LRRC4C: variants seen among roughly 807,000 people sequenced by gnomAD.
LRRC4C encodes leucine rich repeat containing 4C, also known as leucine-rich repeat-containing protein 4C.
LRRC4C carries 5 observed loss-of-function variants against 33.6 expected under a neutral mutation model. That is an observed-to-expected ratio of 0.15 (90% CI 0.08 to 0.31). The LOEUF is 0.31. Ranked by LOEUF, LRRC4C falls within the 10% of genes least tolerant of loss-of-function variation. The pLI, the probability that LRRC4C is intolerant of heterozygous loss-of-function variation, is 1.00. For synonymous variants in LRRC4C, 329 were observed against 302.0 expected, an observed-to-expected ratio of 1.09 and a Z score of -0.93; for missense variants, 560 against 796.7, an observed-to-expected ratio of 0.70 and a Z score of 3.58.
At chr11:40,713,669 A>C (rs966916569) in intron 2 of LRRC4C, among the ~76,000 whole-genome samples, 1 of 152,248 alleles carries the variant, frequency 6.6e-6, no homozygotes, top group Non-Finnish European at 1.5e-5. Context: ...CAATCTGAGT[A>C]AGACATTTAG....
At chr11:40,593,253 G>C (rs753664928) in intron 3 of LRRC4C, among the ~76,000 whole-genome samples, 5 of 152,156 alleles carry the variant, frequency 3.3e-5, no homozygotes, top group Non-Finnish European at 7.4e-5. Context: ...ATTCTTAAGT[G>C]CTACCTTGAC....
chr11:40,669,698 C>T (rs1239094801), intron 2 of LRRC4C, among the ~76,000 whole-genome samples: 1 of 152,226 alleles, frequency 6.6e-6, no homozygotes, highest in African/African-American at 2.4e-5. Flanking sequence ...CAGACTGAGG[C>T]CTCACATTTC....
chr11:40,324,454 C>A (rs933104859), intron 3 of LRRC4C, among the ~76,000 whole-genome samples: 1 of 152,118 alleles, frequency 6.6e-6, no homozygotes, highest in Admixed American at 6.6e-5. Flanking sequence ...AATCTCATGG[C>A]GTTCCTTTTG....
chr11:41,020,007 A>AG lies in LRRC4C; in HGVS notation c.-495-86285dup, dbSNP rs553261208. ...ATGATAGTTTCTATTGCTGTACAGA[A>AG]GCTCTTTTAATTAGATCCCATTTGT... On this transcript the variant is annotated intron_variant, in intron 1 of 6. Transcript: ENST00000528697. Among the ~76,000 whole-genome samples the AG allele has an allele frequency of 3.1e-3, 476 of 152,258 alleles. 3 individuals carry two copies. The highest frequency in any genetic ancestry group is 0.011 in the African/African-American group (452 of 41,548).
At chr11:40,260,878 A>G (rs1867656947) in intron 4 of LRRC4C, among the ~76,000 whole-genome samples, 1 of 152,124 alleles carries the variant, frequency 6.6e-6, no homozygotes, top group Admixed American at 6.6e-5. Flanking sequence ...ACATACAAAA[A>G]ATTCTTTTTT....
At chr11:40,589,302 C>G (rs1378331945) in intron 3 of LRRC4C, among the ~76,000 whole-genome samples, 1 of 150,112 alleles carries the variant, frequency 6.7e-6, no homozygotes, top group Admixed American at 6.6e-5. Flanking sequence ...ATTGCAATCC[C>G]TGCCTTTTTT....
At chr11:40,238,276 C>T (rs1466986512) in intron 5 of LRRC4C, among the ~76,000 whole-genome samples, 4 of 152,188 alleles carry the variant, frequency 2.6e-5, no homozygotes, top group African/African-American at 9.7e-5. Flanking sequence ...GCTCTAGCCA[C>T]TGTTTCCTGA....
intron 2 of LRRC4C, among the ~76,000 whole-genome samples, chr11:40,884,229 C>A (rs779044588): frequency 2.6e-5 from 4 of 152,064 alleles, no homozygotes; most frequent in Admixed American, 2.0e-4. Flanking sequence ...CATTACCCTG[C>A]AAAAGACATG....
At chr11:41,368,681 A>G (rs770939117) in intron 1 of LRRC4C, among the ~76,000 whole-genome samples, 1 of 152,236 alleles carries the variant, frequency 6.6e-6, no homozygotes, top group Non-Finnish European at 1.5e-5. Context: ...ACCTAAGGGC[A>G]TAGACAGTTC....
rs1386524670 is a variant in LRRC4C at position 40,695,179 on chromosome 11, T to C, written c.-406-46901A>G. Among the ~76,000 whole-genome samples the C allele has an allele frequency of 3.3e-5, 5 of 152,286 alleles. 1 individual carries two copies. In the South Asian group the frequency reaches 8.3e-4, roughly 25 times the overall value. ...TGGAGGAAATAATCCATTATGCTTG[T>C]GGTGATCAGGAAGATCCTGGTGAGG... is the stretch of plus-strand genomic sequence containing the variant. On this transcript the variant is annotated intron_variant, in intron 2 of 6. Transcript: ENST00000528697.
intron 3 of LRRC4C, among the ~76,000 whole-genome samples, chr11:40,344,520 C>T (rs1243350718): frequency 1.3e-5 from 2 of 151,972 alleles, no homozygotes; most frequent in Non-Finnish European, 2.9e-5. Flanking sequence ...AATAAGAGCC[C>T]TCTATGATAA....
chr11:40,300,125 C>T (rs1400873196), intron 4 of LRRC4C, among the ~76,000 whole-genome samples: 1 of 152,008 alleles, frequency 6.6e-6, no homozygotes, highest in Admixed American at 6.6e-5. Context: ...AGGGGAGGTG[C>T]TACTGACTTT....
chr11:40,712,871 C>T (rs910750513), intron 2 of LRRC4C, among the ~76,000 whole-genome samples: 1 of 150,700 alleles, frequency 6.6e-6, no homozygotes, highest in African/African-American at 2.4e-5. Context: ...CATATAAGTT[C>T]CTTTCTTTCT....
intron 4 of LRRC4C, among the ~76,000 whole-genome samples, chr11:40,249,895 A>G (rs1045610898): frequency 6.6e-6 from 1 of 152,212 alleles, no homozygotes; most frequent in Non-Finnish European, 1.5e-5. Context: ...ATTCATCGCT[A>G]CCCAATTTAG....
intron 5 of LRRC4C, among the ~76,000 whole-genome samples, chr11:40,158,203 A>C (rs1030082189): frequency 2.6e-5 from 4 of 152,134 alleles, no homozygotes; most frequent in Non-Finnish European, 5.9e-5. Context: ...GATATGTGGG[A>C]GCTAAGCTAT....
At chr11:40,148,102 T>C (rs375975714) in intron 5 of LRRC4C, among the ~76,000 whole-genome samples, 17 of 152,348 alleles carry the variant, frequency 1.1e-4, no homozygotes, top group African/African-American at 4.1e-4. Context: ...TACCACATTT[T>C]CTTTATCCAA....
At chr11:41,257,338 G>A (rs1402966818) in intron 1 of LRRC4C, among the ~76,000 whole-genome samples, 2 of 151,898 alleles carry the variant, frequency 1.3e-5, no homozygotes, top group African/African-American at 2.4e-5. Flanking sequence ...AAAAGAGTAA[G>A]ATTCAAAATG....
At chr11:41,161,009 G>A (rs1944446840) in intron 1 of LRRC4C, among the ~76,000 whole-genome samples, 1 of 152,174 alleles carries the variant, frequency 6.6e-6, no homozygotes, top group Admixed American at 6.6e-5. Context: ...TAGACATGAT[G>A]TTCTTATGTG....
chr11:41,132,133 C>T (rs1418700997), intron 1 of LRRC4C, among the ~76,000 whole-genome samples: 2 of 152,156 alleles, frequency 1.3e-5, no homozygotes, highest in Non-Finnish European at 2.9e-5. Context: ...CAAAAACCCT[C>T]TTGGAGTCTG....
Sources: allele counts gnomAD v4.1 joint callset (sites outside exome capture counted in the v4.1 genomes callset), GRCh38; gene constraint gnomAD v4.1.1; transcripts MANE v1.5; gene names NCBI Gene and HGNC (gene_info 2026-07-23, HGNC 2026-07-21).